The following BEND7 variants were observed in gnomAD, a reference collection of about 807,000 sequenced individuals.
BEND7 encodes the protein BEN domain-containing protein 7.
Under a neutral mutation model 50.9 loss-of-function variants are expected in BEND7, and 28 were observed. That is an observed-to-expected ratio of 0.55 (90% CI 0.41 to 0.75). The LOEUF (loss-of-function observed/expected upper bound fraction) is 0.75, where lower values mean the gene tolerates loss of function less well. Ranked by LOEUF, BEND7 falls within the 30% of genes least tolerant of loss-of-function variation. The pLI, the probability that BEND7 is intolerant of heterozygous loss-of-function variation, is 0.00. For missense variants in BEND7, 477 were observed against 491.3 expected (o/e 0.97, Z 0.28); for synonymous variants, 170 against 183.9 (o/e 0.92, Z 0.61).
At chr10:13,474,012 G>A (rs2075181887) in intron 6 of BEND7, among the ~76,000 whole-genome samples, 2 of 151,632 alleles carry the variant, frequency 1.3e-5, no homozygotes, top group South Asian at 2.1e-4. Context: ...ATCTGTCATT[G>A]CTGTTAAACT....
chr10:13,499,261 A>G (rs1221697076), intron 3 of BEND7, among the ~76,000 whole-genome samples: 1 of 152,250 alleles, frequency 6.6e-6, no homozygotes, highest in Non-Finnish European at 1.5e-5. Context: ...CTAATGAAGC[A>G]TGTTACAAAA....
At chr10:13,449,577 A>C (rs1472306487) in intron 7 of BEND7, among the ~76,000 whole-genome samples, 1 of 152,202 alleles carries the variant, frequency 6.6e-6, no homozygotes, top group Admixed American at 6.5e-5. Context: ...ATGCATCGAT[A>C]TGAGCTAATT....
chr10:13,454,885 A>G (rs930062731), intron 6 of BEND7, among the ~76,000 whole-genome samples: 1 of 152,210 alleles, frequency 6.6e-6, no homozygotes, highest in African/African-American at 2.4e-5. Context: ...TAAAACAGTA[A>G]GAGAGGCTGG....
chr10:13,460,321 C>T (rs1209441879), intron 6 of BEND7, among the ~76,000 whole-genome samples: 1 of 152,200 alleles, frequency 6.6e-6, no homozygotes, highest in Non-Finnish European at 1.5e-5. Flanking sequence ...CCCAATTCCA[C>T]CTGCACCCCA....
At chr10:13,519,488 G>GA (rs60100723) in intron 2 of BEND7, among the ~76,000 whole-genome samples, 61,827 of 145,700 alleles carry the variant, frequency 0.42, 13,152 homozygotes, top group East Asian at 0.68. Flanking sequence ...AAAAAAGAAA[G>GA]AAAAAAAAAA....
intron 6 of BEND7, among the ~76,000 whole-genome samples, chr10:13,476,897 G>C (rs1194446968): frequency 6.6e-6 from 1 of 152,094 alleles, no homozygotes; most frequent in Admixed American, 6.5e-5. Context: ...TCTTTCATCA[G>C]CAATACCTTG....
intron 1 of BEND7, among the ~76,000 whole-genome samples, chr10:13,527,552 T>C (rs1177945246): frequency 1.3e-5 from 2 of 152,198 alleles, no homozygotes; most frequent in Non-Finnish European, 2.9e-5. Flanking sequence ...AGTGGACAGG[T>C]TGGGGTTTGG....
At chr10:13,512,940 A>G (rs887980404) in intron 2 of BEND7, among the ~76,000 whole-genome samples, 4 of 152,200 alleles carry the variant, frequency 2.6e-5, no homozygotes, top group African/African-American at 9.7e-5. Context: ...AGGCAACAGT[A>G]ACTTAAATCA....
At chr10:13,466,157 G>A (rs970940942) in intron 6 of BEND7, among the ~76,000 whole-genome samples, 5 of 151,828 alleles carry the variant, frequency 3.3e-5, no homozygotes, top group Non-Finnish European at 5.9e-5. Flanking sequence ...CAATGGTTAC[G>A]TCGTATTTAC....
intron 5 of BEND7, among the ~76,000 whole-genome samples, chr10:13,486,656 C>T (rs2076246296): frequency 1.3e-5 from 2 of 152,364 alleles, no homozygotes; most frequent in South Asian, 2.1e-4. Context: ...AATCATCCAA[C>T]AGCCAATTCT....
chr10:13,521,410 A>G (rs2079069220), intron 2 of BEND7, among the ~76,000 whole-genome samples: 1 of 152,194 alleles, frequency 6.6e-6, no homozygotes, highest in African/African-American at 2.4e-5. Flanking sequence ...TAGTGCTGGC[A>G]CACAGCAAGC....
At chr10:13,499,165 G>GA (rs1304333300) in intron 3 of BEND7, among the ~76,000 whole-genome samples, 1 of 151,648 alleles carries the variant, frequency 6.6e-6, no homozygotes, top group Non-Finnish European at 1.5e-5. Context: ...CTTAAGCTTT[G>GA]AAAAAAAATT....
At chr10:13,446,912 T>G (rs1836457240) in intron 8 of BEND7, 1 of 307,398 alleles carries the variant, frequency 3.3e-6, no homozygotes, top group Non-Finnish European at 6.1e-6. Flanking sequence ...GCCATGAATT[T>G]GATCACACAA....
intron 6 of BEND7, among the ~76,000 whole-genome samples, chr10:13,472,187 G>A (rs548160168): frequency 3.3e-5 from 5 of 151,802 alleles, no homozygotes; most frequent in East Asian, 2.0e-4. Context: ...ACTCAGGGCC[G>A]ATACCTGTCA....
chr10:13,456,534 T>C (rs1839013263), intron 6 of BEND7, among the ~76,000 whole-genome samples: 1 of 152,024 alleles, frequency 6.6e-6, no homozygotes, highest in Non-Finnish European at 1.5e-5. Flanking sequence ...CAGTGATGCT[T>C]AGAAAGGAGA....
intron 2 of BEND7, among the ~76,000 whole-genome samples, chr10:13,510,060 C>T (rs1247870339): frequency 6.6e-6 from 1 of 152,054 alleles, no homozygotes; most frequent in South Asian, 2.1e-4. Context: ...ACCACCACTT[C>T]AAGTAATATT....
At chr10:13,522,425 G>A in intron 2 of BEND7, among the ~76,000 whole-genome samples, 1 of 152,290 alleles carries the variant, frequency 6.6e-6, no homozygotes, top group African/African-American at 2.4e-5. Flanking sequence ...TATTCGTGAG[G>A]TCAGGTAACT....
intron 6 of BEND7, among the ~76,000 whole-genome samples, chr10:13,467,335 C>CGG (rs1174080507): frequency 1.3e-5 from 2 of 152,168 alleles, no homozygotes; most frequent in Non-Finnish European, 2.9e-5. Flanking sequence ...AACTAGGAAA[C>CGG]GGCACATTTA....
chr10:13,515,622 A>T (rs564865592), intron 2 of BEND7, among the ~76,000 whole-genome samples: 1 of 152,350 alleles, frequency 6.6e-6, no homozygotes, highest in South Asian at 2.1e-4. Context: ...GAGGCACAGT[A>T]ACCTGACCCC....
Sources: allele counts gnomAD v4.1 joint callset (sites outside exome capture counted in the v4.1 genomes callset), GRCh38; gene constraint gnomAD v4.1.1; transcripts MANE v1.5; gene names NCBI Gene and HGNC (gene_info 2026-07-23, HGNC 2026-07-21).